NDUFAF7: variants seen among roughly 807,000 people sequenced by gnomAD.
NDUFAF7 encodes NADH:ubiquinone oxidoreductase complex assembly factor 7.
Under a neutral mutation model 47.2 loss-of-function variants are expected in NDUFAF7, and 48 were observed. That is an observed-to-expected ratio of 1.02 (90% confidence interval 0.81 to 1.29). The LOEUF (loss-of-function observed/expected upper bound fraction) is 1.29, where lower values mean the gene tolerates loss of function less well. Among genes scored for constraint, NDUFAF7 ranks in the 50% most tolerant of loss-of-function variants. The probability of loss-of-function intolerance (pLI) is 0.00; values close to 1 mark genes in which losing one functional copy is unlikely to be tolerated. For missense variants in NDUFAF7, 635 were observed against 537.6 expected (o/e 1.18, Z -1.79); for synonymous variants, 217 against 190.0 (o/e 1.14, Z -1.17).
At chr2:37,242,716 A>T (rs1436278591) in intron 6 of NDUFAF7, 23 bp downstream of exon 6, 2 of 1,538,716 alleles carry the variant, frequency 1.3e-6, no homozygotes, top group Non-Finnish European at 1.8e-6. Flanking sequence ...GAAAAAAGTC[A>T]TGTCTATAAT....
the NDUFAF7 span, chr2:37,269,301 G>A: frequency 1.6e-5 from 5 of 316,432 alleles, no homozygotes; most frequent in Non-Finnish European, 3.1e-5. Flanking sequence ...CAATGAATAA[G>A]CCCACTCAGC....
At chr2:37,265,579 A>G in the NDUFAF7 span, among the ~76,000 whole-genome samples, 3 of 152,218 alleles carry the variant, frequency 2.0e-5, no homozygotes, top group Non-Finnish European at 4.4e-5. Flanking sequence ...ACAGACTTAG[A>G]TTCAAACTCT....
chr2:37,260,516 A>C, the NDUFAF7 span: 1 of 844,384 alleles, frequency 1.2e-6, no homozygotes, highest in Non-Finnish European at 1.9e-6. Context: ...AACAAAATAA[A>C]AATTACAATC....
intron 8 of NDUFAF7, chr2:37,247,255 G>A: frequency 1.6e-6 from 1 of 634,586 alleles, no homozygotes; most frequent in Non-Finnish European, 2.8e-6. Flanking sequence ...AGTTTGTAGT[G>A]TATCTCAGGT....
chr2:37,232,758 C>G (rs1665304815), intron 2 of NDUFAF7, among the ~76,000 whole-genome samples: 1 of 152,196 alleles, frequency 6.6e-6, no homozygotes, highest in Non-Finnish European at 1.5e-5. Flanking sequence ...GGTTTTCTCA[C>G]ATGTGCAGTT....
the NDUFAF7 span, chr2:37,259,772 C>T: frequency 1.1e-6 from 1 of 871,534 alleles, no homozygotes; most frequent in Admixed American, 2.2e-5. Context: ...GAAAACTCCA[C>T]TATAGTTCAT....
At chr2:37,267,454 G>T in the NDUFAF7 span, 1 of 1,605,388 alleles carries the variant, frequency 6.2e-7, no homozygotes, top group Non-Finnish European at 8.5e-7. Flanking sequence ...CTTCATTACG[G>T]AGTTGACTTT....
intron 5 of NDUFAF7, chr2:37,242,364 A>G: frequency 3.2e-6 from 1 of 315,630 alleles, no homozygotes; most frequent in Non-Finnish European, 5.9e-6. Flanking sequence ...CCAGCTAACA[A>G]CTCTGACTTC....
the NDUFAF7 span, chr2:37,269,420 T>C: frequency 1.7e-6 from 1 of 573,160 alleles, no homozygotes. Context: ...TCTGTTAATT[T>C]TTAAAGTTTG....
intron 2 of NDUFAF7, among the ~76,000 whole-genome samples, chr2:37,233,047 G>A (rs1211783377): frequency 6.6e-6 from 1 of 152,204 alleles, no homozygotes; most frequent in East Asian, 1.9e-4. Context: ...CTGCAAGATA[G>A]GTGGCTTAGA....
the NDUFAF7 span, among the ~76,000 whole-genome samples, chr2:37,265,535 A>G: frequency 6.6e-6 from 1 of 152,138 alleles, no homozygotes; most frequent in Admixed American, 6.6e-5. Context: ...GGTCAGTCCA[A>G]TGATGTAAAG....
At chr2:37,238,753 A>C (rs988282704) in intron 4 of NDUFAF7, among the ~76,000 whole-genome samples, 1 of 152,160 alleles carries the variant, frequency 6.6e-6, no homozygotes, top group Non-Finnish European at 1.5e-5. Flanking sequence ...GGGAGAAGTT[A>C]TTTGTAACAC....
rs753553873 is a variant in NDUFAF7, at chr2:37,232,196, A to G, written c.146A>G (p.Tyr49Cys). The change falls in exon 2 of 10, where the codon TAC (tyrosine) becomes TGC (cysteine). Residue 49 changes from tyrosine (Y) to cysteine (C), a missense_variant. Physicochemically the swap from Tyr to Cys is radical, Grantham distance 194 (BLOSUM62 -2). Transcript: ENST00000002125. ...PVTPMLRHLM[Y>C]KIKSTGPITV... Reference sequence around the variant, plus strand: ...ACGCCGATGCTGCGGCATCTTATGTACAAAATAAAGTCTACTGGTCCCATC... The same window carrying G: ...ACGCCGATGCTGCGGCATCTTATGTGCAAAATAAAGTCTACTGGTCCCATC... 1.2e-5 allele frequency: 19 copies of G among 1,614,016 alleles called. No homozygotes were observed. The South Asian group carries it at 2.0e-4, about 17-fold the overall frequency.
chr2:37,246,939 G>A (rs1666984750), intron 8 of NDUFAF7, among the ~76,000 whole-genome samples: 1 of 152,024 alleles, frequency 6.6e-6, no homozygotes, highest in African/African-American at 2.4e-5. Flanking sequence ...TTTGTTATTT[G>A]TTACATGGGT....
intron 7 of NDUFAF7, among the ~76,000 whole-genome samples, chr2:37,245,049 A>C (rs999034165): frequency 2.6e-5 from 4 of 152,238 alleles, no homozygotes; most frequent in Admixed American, 6.5e-5. Context: ...GGCTGACTTC[A>C]TGGTTTTTAT....
chr2:37,267,953 A>G, the NDUFAF7 span: 1 of 191,318 alleles, frequency 5.2e-6, no homozygotes, highest in Non-Finnish European at 1.1e-5. Flanking sequence ...GGGTGTCTCT[A>G]TATTCTAGAA....
At chr2:37,246,635 C>T (rs987145820) in intron 8 of NDUFAF7, among the ~76,000 whole-genome samples, 22 of 152,284 alleles carry the variant, frequency 1.4e-4, no homozygotes, top group African/African-American at 5.1e-4. Context: ...TTCTTTTACA[C>T]TGTTCCTAAA....
At chr2:37,251,474 A>G (rs1470207377), downstream of NDUFAF7, 1 of 152,600 alleles carries the variant, frequency 6.6e-6, no homozygotes, top group Non-Finnish European at 1.5e-5. Flanking sequence ...GTGAGGGTAA[A>G]CTAAAACATA....
rs1010482038 is a variant in NDUFAF7 at position 37,232,258 on chromosome 2, C to G, written c.208C>G (p.Pro70Ala). The G allele has an allele frequency of 2.2e-5, 35 of 1,612,842 alleles. No homozygotes were observed. The highest frequency in any genetic ancestry group is 3.0e-5 in the Non-Finnish European group (35 of 1,180,018). The part of the protein sequence containing the change: ...AEYMKEVLTN[P>A]AKGYYVYRDM... Reference sequence around the variant, plus strand: ...GTACATGAAGGAGGTGTTGACTAATCCAGCCAAGGTATGGGTCGGGTAGCC... The same window carrying G: ...GTACATGAAGGAGGTGTTGACTAATGCAGCCAAGGTATGGGTCGGGTAGCC... Residue 70 changes from proline (P) to alanine (A), a missense_variant, in exon 2 of 10, where the codon CCA (proline) becomes GCA (alanine). Pro to Ala is a conservative substitution (Grantham distance 27). Coordinates refer to ENST00000002125, the MANE Select transcript of NDUFAF7 (RefSeq NM_144736.5).
Sources: allele counts gnomAD v4.1 joint callset (sites outside exome capture counted in the v4.1 genomes callset), GRCh38; gene constraint gnomAD v4.1.1; transcripts MANE v1.5; gene names NCBI Gene and HGNC (gene_info 2026-07-23, HGNC 2026-07-21).